Variants in PCDHA6 observed in about 807,000 individuals in gnomAD.
PCDHA6 encodes protocadherin alpha-6.
Under a neutral mutation model 60.3 loss-of-function variants are expected in PCDHA6, and 55 were observed. The observed-to-expected ratio is 0.91, with a 90% CI of 0.73 to 1.14. The LOEUF is 1.14. Ranked by LOEUF, PCDHA6 falls within the 50% of genes most tolerant of loss-of-function variation. PCDHA6 has a pLI of 0.00. For synonymous variants in PCDHA6, 652 were observed against 557.9 expected (o/e 1.17, Z -2.38); for missense variants, 1,327 against 1,256.5 (o/e 1.06, Z -0.85).
chr5:140,980,890 C>G (rs1554242450), intron 2 of PCDHA6, among the ~76,000 whole-genome samples: 1 of 152,104 alleles, frequency 6.6e-6, no homozygotes, highest in African/African-American at 2.4e-5. Flanking sequence ...TCTTTCCAGT[C>G]TTGGACATCA....
At chr5:141,000,430 T>A (rs1295455270) in intron 3 of PCDHA6, among the ~76,000 whole-genome samples, 2 of 126,420 alleles carry the variant, frequency 1.6e-5, no homozygotes, top group African/African-American at 6.1e-5. Context: ...TATTTTTTTT[T>A]TTTTTTTTTT....
chr5:140,932,710 C>T (rs2088563538), intron 1 of PCDHA6, among the ~76,000 whole-genome samples: 1 of 151,522 alleles, frequency 6.6e-6, no homozygotes, highest in African/African-American at 2.4e-5. Context: ...ATAGACAACA[C>T]AATAATATTG....
intron 1 of PCDHA6, chr5:140,843,640 C>G: frequency 6.3e-7 from 1 of 1,595,494 alleles, no homozygotes; most frequent in Non-Finnish European, 8.6e-7. Flanking sequence ...TGGCCTTCAG[C>G]CCCTGCCTTC....
In PCDHA6 at chr5:140,829,875, G is replaced by T. The variant is rs2150176769; in HGVS notation, c.1784G>T (p.Arg595Leu). ...GCAGGCCAAGTGGTGGCGAAGGTGC[G>T]CGCAGTTGACGCCGACTCAGGCTAC... ...LGAGQVVAKV[R>L]AVDADSGYNA... The change falls in exon 1 of 4, where the codon CGC (arginine) becomes CTC (leucine). Residue 595 changes from arginine (R) to leucine (L), a missense_variant. Physicochemically the swap from Arg to Leu is moderately radical, Grantham distance 102 (BLOSUM62 -2). Transcript: ENST00000529310. 1.2e-6 allele frequency: 2 copies of T among 1,613,946 alleles called. No individual in the cohort carries two copies. The highest frequency in any genetic ancestry group is 1.7e-6 in the Non-Finnish European group (2 of 1,179,880).
chr5:140,876,960 G>A (rs781808609), intron 1 of PCDHA6: 4 of 1,613,122 alleles, frequency 2.5e-6, no homozygotes, highest in East Asian at 4.5e-5. Context: ...CGCTGGTGGA[G>A]CGGCGGGTGG....
intron 1 of PCDHA6, chr5:140,862,802 T>C (rs1554156982): frequency 1.7e-6 from 1 of 577,736 alleles, no homozygotes; most frequent in Non-Finnish European, 3.3e-6. Flanking sequence ...GAGCTGGAGC[T>C]GCTGCAGTTC....
chr5:141,006,346 G>C (rs2098268580), intron 3 of PCDHA6, among the ~76,000 whole-genome samples: 1 of 151,806 alleles, frequency 6.6e-6, no homozygotes, highest in South Asian at 2.1e-4. Context: ...TGAGTAGCTG[G>C]GACTATAGGC....
At chr5:140,928,625 A>C in intron 1 of PCDHA6, 1 of 1,614,224 alleles carries the variant, frequency 6.2e-7, no homozygotes, top group Non-Finnish European at 8.5e-7. Flanking sequence ...AGGACTGGAC[A>C]CTTGGTCACA....
At position 140,871,191 on chromosome 5, in the gene PCDHA6, C is replaced by A. The variant is rs370303558; in HGVS notation, c.2394+40706C>A. The A allele has an allele frequency of 2.4e-5, 38 of 1,613,538 alleles. No individual in the cohort carries two copies. The African/African-American group carries it at 4.4e-4, about 19-fold the overall frequency. ...CAGAGGCTGCGCTGGTGGATGTCAA[C>A]GTGTACCTGATCATCGCCATCTGCG... On this transcript the variant is annotated intron_variant, in intron 1 of 3. Transcript: ENST00000529310.
intron 1 of PCDHA6, chr5:140,834,404 C>T (rs17844304): frequency 3.7e-6 from 6 of 1,606,068 alleles, no homozygotes; most frequent in South Asian, 3.3e-5. Flanking sequence ...CGAATGGATA[C>T]GACCCAGGGG....
intron 1 of PCDHA6, among the ~76,000 whole-genome samples, chr5:140,899,881 C>G (rs1334700648): frequency 6.6e-6 from 1 of 152,146 alleles, no homozygotes; most frequent in Non-Finnish European, 1.5e-5. Context: ...TAACAGAACT[C>G]AGTGCAGCCT....
chr5:140,989,215 C>T (rs1162430361), intron 3 of PCDHA6, among the ~76,000 whole-genome samples: 1 of 152,108 alleles, frequency 6.6e-6, no homozygotes, highest in Non-Finnish European at 1.5e-5. Flanking sequence ...CTTTATACAC[C>T]ATTCTTTGTA....
intron 1 of PCDHA6, chr5:140,884,367 T>G (rs2060126363): frequency 1.2e-6 from 2 of 1,613,928 alleles, no homozygotes; most frequent in Middle Eastern, 3.3e-4. Context: ...AATGTTTACT[T>G]GATCATTGCC....
chr5:140,967,146 A>C, intron 1 of PCDHA6: 1 of 1,610,972 alleles, frequency 6.2e-7, no homozygotes, highest in Non-Finnish European at 8.5e-7. Flanking sequence ...CTGGCGCACA[A>C]CCCCGTGGCG....
chr5:140,882,174 CG>C, intron 1 of PCDHA6: 1 of 1,514,752 alleles, frequency 6.6e-7, no homozygotes, highest in South Asian at 1.4e-5. Flanking sequence ...CGAATCCTTC[CG>C]CACTAGGAAG....
chr5:140,937,362 C>A lies in PCDHA6; in HGVS notation c.2395-41587C>A, dbSNP rs151333453. On this transcript the variant is annotated intron_variant, in intron 1 of 3. Coordinates refer to ENST00000529310, the MANE Select transcript of PCDHA6 (RefSeq NM_018909.4). ...TCTTCCATTTATTTTATTATTTTAT[C>A]TTAATGTTTATGTGTGTGTATGTGT... Among the ~76,000 whole-genome samples the A allele has an allele frequency of 4.1e-4, 62 of 152,138 alleles. No individual in the cohort carries two copies. In the East Asian group the frequency reaches 0.01, roughly 25 times the overall value.
intron 1 of PCDHA6, chr5:140,862,689 C>A: frequency 7.2e-6 from 4 of 554,298 alleles, no homozygotes; most frequent in South Asian, 4.1e-5. Context: ...TGGTGTCCTA[C>A]TCGTTGATGG....
chr5:140,871,044 A>G, intron 1 of PCDHA6: 1 of 1,613,304 alleles, frequency 6.2e-7, no homozygotes, highest in Non-Finnish European at 8.5e-7. Flanking sequence ...ACCGACTTCT[A>G]GTACTGGTGA....
At chr5:140,949,167 T>C (rs2094348737) in intron 1 of PCDHA6, among the ~76,000 whole-genome samples, 1 of 151,798 alleles carries the variant, frequency 6.6e-6, no homozygotes, top group Admixed American at 6.6e-5. Flanking sequence ...AATTCTCTTT[T>C]GGTCAGAGAA....
Sources: gnomAD v4.1 joint callset for allele counts (sites outside exome capture counted in the v4.1 genomes callset) on GRCh38, gnomAD v4.1.1 for gene constraint, MANE v1.5 for transcripts, NCBI Gene and HGNC (gene_info 2026-07-23, HGNC 2026-07-21) for gene names.